The following FRMPD4 variants were observed in gnomAD, a reference collection of about 807,000 sequenced individuals.
The protein encoded by FRMPD4 is FERM and PDZ domain-containing protein 4.
FRMPD4 carries 22 observed loss-of-function variants against 94.1 expected under a neutral mutation model. That is an observed-to-expected ratio of 0.23 (90% CI 0.17 to 0.33). FRMPD4 has a LOEUF of 0.33. Among genes scored for constraint, FRMPD4 ranks in the 10% least tolerant of loss-of-function variants. The pLI is 1.00. For missense variants in FRMPD4, 1,111 were observed against 1,339.9 expected (o/e 0.83, Z 2.67); for synonymous variants, 631 against 548.6 (o/e 1.15, Z -2.10).
At chrX:11,885,041 G>T (rs2053838392) in intron 3 of FRMPD4, among the ~76,000 whole-genome samples, 1 of 111,736 alleles carries the variant, frequency 8.9e-6, no homozygotes. Context: ...TTATCCAAAA[G>T]AATTGAAAGC....
chrX:11,909,841 C>G (rs1444331217), intron 3 of FRMPD4, among the ~76,000 whole-genome samples: 1 of 109,659 alleles, frequency 9.1e-6, no homozygotes, highest in Non-Finnish European at 1.9e-5. Flanking sequence ...AGAGATTTTC[C>G]TAGTGTTTTT....
intron 3 of FRMPD4, among the ~76,000 whole-genome samples, chrX:11,916,053 G>A (rs1047950719): frequency 1.8e-5 from 2 of 111,444 alleles, no homozygotes; most frequent in Admixed American, 9.5e-5. Flanking sequence ...AGGAAGCTTC[G>A]TGGGAATGGT....
intron 3 of FRMPD4, among the ~76,000 whole-genome samples, chrX:11,977,425 C>A (rs2054372993): frequency 8.9e-6 from 1 of 112,247 alleles, no homozygotes; most frequent in Non-Finnish European, 1.9e-5. Context: ...CGTTGACTAT[C>A]CGTTTTTAAA....
intron 1 of FRMPD4, among the ~76,000 whole-genome samples, chrX:12,380,203 C>T (rs930539778): frequency 9.0e-6 from 1 of 111,516 alleles, no homozygotes; most frequent in African/African-American, 3.3e-5. Context: ...TTAGGTTCTC[C>T]CAAGGAATAA....
chrX:12,357,138 T>C (rs1267166104), intron 1 of FRMPD4, among the ~76,000 whole-genome samples: 1 of 112,166 alleles, frequency 8.9e-6, no homozygotes, highest in Non-Finnish European at 1.9e-5. Context: ...GGGGTATTGA[T>C]GTTGGAGGCA....
chrX:11,910,699 G>A (rs1484841463), intron 3 of FRMPD4, among the ~76,000 whole-genome samples: 1 of 111,729 alleles, frequency 9.0e-6, no homozygotes, highest in Non-Finnish European at 1.9e-5. Flanking sequence ...TACAGGCACG[G>A]GCCACTGTGC....
At chrX:12,613,376 A>T (rs1602209412) in intron 3 of FRMPD4, among the ~76,000 whole-genome samples, 1 of 112,366 alleles carries the variant, frequency 8.9e-6, no homozygotes, top group South Asian at 3.8e-4. Context: ...GTCCAAGCTA[A>T]GATCTAGTCC....
At chrX:12,168,696 G>A (rs761001528) in intron 1 of FRMPD4, among the ~76,000 whole-genome samples, 14 of 88,983 alleles carry the variant, frequency 1.6e-4, no homozygotes, top group South Asian at 6.7e-4. Flanking sequence ...TGTGATCTCC[G>A]CTCACTGCCA....
chrX:12,718,590 G>A lies in FRMPD4; in HGVS notation c.3764G>A (p.Gly1255Asp), dbSNP rs1273160180. 1 of 1,210,707 alleles carries A rather than the reference G, an allele frequency of 8.3e-7. No individual in the cohort carries two copies. ...TTGATTCCTGACGCTTCTGGGAAAGGCGTGAATTACATTCCTTCAGAGGAG... is the reference window on the plus strand; with the variant it reads ...TTGATTCCTGACGCTTCTGGGAAAGACGTGAATTACATTCCTTCAGAGGAG... ...KHLIPDASGK[G>D]VNYIPSEERA... The change falls in exon 16 of 17, where the codon GGC becomes GAC. Residue 1255 changes from glycine to aspartate, a missense_variant. Physicochemically the swap from Gly to Asp is moderately conservative, Grantham distance 94. Coordinates refer to ENST00000675598, the MANE Select transcript of FRMPD4 (RefSeq NM_001368397.1).
rs1164364945 is a variant in FRMPD4 at position 12,701,900 on chromosome X, A to C, written c.960A>C (p.Arg320=). The C allele has an allele frequency of 7.4e-6, 9 of 1,210,422 alleles. No homozygotes were observed. The highest frequency in any genetic ancestry group is 1.7e-5 in the African/African-American group (1 of 57,519). ...VQSCNDVVQE[R]FGPELKYDIA... ...GTTGTAACGATGTGGTTCAGGAGCG[A>C]TTTGGGCCGGAGCTGAAATATGACA... The change falls in exon 10 of 17, where the codon CGA becomes CGC. Residue 320 remains arginine (R), a synonymous_variant. Transcript: ENST00000675598.
At position 12,047,081 on chromosome X, in the gene FRMPD4, T is replaced by TTA. The variant is rs759849318; in HGVS notation, c.95+169076_95+169077dup. ...GTTATGTATAAATATTTATACATGG[T>TTA]TATATATATATATAGTTGTGTATAT... On this transcript the variant is annotated intron_variant, in intron 3 of 18. Transcript: ENST00000640291. 3.9e-3 allele frequency among the ~76,000 whole-genome samples: 417 copies of TTA among 108,293 alleles called. 3 individuals are homozygous for TTA. The East Asian group carries it at 0.041, about 11-fold the overall frequency. 94.0% of individuals were successfully genotyped at this position (108,293 alleles called of 115,157 possible). A position where few individuals can be genotyped will look rare whatever the true frequency, so the allele number is the denominator to read the frequency against.
At chrX:11,947,402 C>A (rs2054194771) in intron 3 of FRMPD4, among the ~76,000 whole-genome samples, 1 of 112,059 alleles carries the variant, frequency 8.9e-6, no homozygotes, top group Non-Finnish European at 1.9e-5. Flanking sequence ...GGATTGAGCT[C>A]TTGGAAGTCA....
chrX:12,376,069 C>T (rs948914447), intron 1 of FRMPD4, among the ~76,000 whole-genome samples: 1 of 111,928 alleles, frequency 8.9e-6, no homozygotes, highest in Non-Finnish European at 1.9e-5. Context: ...CTGTGTTCCT[C>T]GATGGTAGGG....
intron 1 of FRMPD4, among the ~76,000 whole-genome samples, chrX:11,830,101 C>T (rs1261962328): frequency 6.3e-5 from 7 of 111,423 alleles, no homozygotes; most frequent in African/African-American, 9.8e-5. Context: ...TGTTTTAGAA[C>T]GCTTAAGAAT....
intron 1 of FRMPD4, among the ~76,000 whole-genome samples, chrX:12,366,297 C>G (rs1338177169): frequency 8.9e-6 from 1 of 112,101 alleles, no homozygotes; most frequent in Non-Finnish European, 1.9e-5. Flanking sequence ...CCATAGGAAG[C>G]TGATGAGAAA....
intron 3 of FRMPD4, among the ~76,000 whole-genome samples, chrX:11,910,919 A>C (rs778318859): frequency 9.2e-6 from 1 of 108,872 alleles, no homozygotes; most frequent in Admixed American, 9.7e-5. Context: ...TACAAAAAAG[A>C]AATGTAACCC....
chrX:12,172,292 T>G (rs917820582), intron 1 of FRMPD4, among the ~76,000 whole-genome samples: 2 of 110,483 alleles, frequency 1.8e-5, no homozygotes, highest in African/African-American at 6.6e-5. Flanking sequence ...GAAAGGGCTT[T>G]AGAAACTAAG....
At chrX:11,841,079 A>AT (rs779926474) in intron 1 of FRMPD4, among the ~76,000 whole-genome samples, 22 of 109,193 alleles carry the variant, frequency 2.0e-4, no homozygotes, top group Non-Finnish European at 3.4e-4. Context: ...TGAGCTCATC[A>AT]TTTTTTTTAT....
intron 2 of FRMPD4, among the ~76,000 whole-genome samples, chrX:12,602,279 C>A (rs2059091858): frequency 9.0e-6 from 1 of 111,380 alleles, no homozygotes; most frequent in African/African-American, 3.3e-5. Context: ...TAGATGAGCA[C>A]TTTTGGTCAA....
Sources: allele counts gnomAD v4.1 joint callset (sites outside exome capture counted in the v4.1 genomes callset), GRCh38; gene constraint gnomAD v4.1.1; transcripts MANE v1.5; gene names NCBI Gene and HGNC (gene_info 2026-07-23, HGNC 2026-07-21).